CYTIP: variants seen among roughly 807,000 people sequenced by gnomAD.
CYTIP encodes cytohesin-interacting protein.
CYTIP carries 26 observed loss-of-function variants against 43.8 expected under a neutral mutation model. That is an observed-to-expected ratio of 0.59 (90% CI 0.44 to 0.82). The LOEUF (loss-of-function observed/expected upper bound fraction) is 0.82, where lower values mean the gene tolerates loss of function less well. CYTIP is among the 40% of genes least tolerant of loss of function. CYTIP has a pLI of 0.00. For synonymous variants in CYTIP, 162 were observed against 162.9 expected, an observed-to-expected ratio of 0.99 and a Z score of 0.04; for missense variants, 426 against 443.1, an observed-to-expected ratio of 0.96 and a Z score of 0.35.
At chr2:157,436,583 CTA>C (rs200484968) in intron 1 of CYTIP, among the ~76,000 whole-genome samples, 1 of 151,354 alleles carries the variant, frequency 6.6e-6, no homozygotes, top group Non-Finnish European at 1.5e-5. Flanking sequence ...ATAGAGAGAG[CTA>C]TATATATATG....
intron 1 of CYTIP, among the ~76,000 whole-genome samples, chr2:157,440,690 A>G (rs1293358725): frequency 6.6e-6 from 1 of 152,210 alleles, no homozygotes; most frequent in Admixed American, 6.5e-5. Flanking sequence ...TTGCCTATTT[A>G]GCAATAATGT....
At chr2:157,430,705 C>T in intron 4 of CYTIP, 53 bp from the exon 5 acceptor site, 1 of 1,547,750 alleles carries the variant, frequency 6.5e-7, no homozygotes. Context: ...AATAATCCCT[C>T]CTGACATGCA....
At chr2:157,428,695 C>T (rs1392344077) in intron 5 of CYTIP, among the ~76,000 whole-genome samples, 1 of 152,200 alleles carries the variant, frequency 6.6e-6, no homozygotes, top group South Asian at 2.1e-4. Flanking sequence ...CCAGCAGTTC[C>T]CCTCAGACTC....
chr2:157,422,356 T>C (rs1259065480), intron 6 of CYTIP, among the ~76,000 whole-genome samples: 4 of 152,144 alleles, frequency 2.6e-5, no homozygotes, highest in Non-Finnish European at 4.4e-5. Context: ...AGATTGTCTC[T>C]AAACAAAATG....
At chr2:157,439,788 G>A (rs764241894) in intron 1 of CYTIP, among the ~76,000 whole-genome samples, 18 of 152,238 alleles carry the variant, frequency 1.2e-4, no homozygotes, top group South Asian at 2.1e-4. Context: ...GATACCTAGG[G>A]TTGGGCTTAT....
At chr2:157,421,172 T>G (rs1685517329) in intron 6 of CYTIP, among the ~76,000 whole-genome samples, 1 of 152,224 alleles carries the variant, frequency 6.6e-6, no homozygotes, top group African/African-American at 2.4e-5. Flanking sequence ...AATTGTTTAT[T>G]TAGACATATC....
chr2:157,443,748 G>T, intron 1 of CYTIP, 99 bp downstream of exon 1: 1 of 1,277,480 alleles, frequency 7.8e-7, no homozygotes, highest in Non-Finnish European at 1.1e-6. Flanking sequence ...TAATTCCAAA[G>T]CCTCTAAAAT....
chr2:157,424,469 C>T (rs1240000785), intron 6 of CYTIP, among the ~76,000 whole-genome samples: 1 of 151,950 alleles, frequency 6.6e-6, no homozygotes, highest in Non-Finnish European at 1.5e-5. Context: ...GTAAGATCAT[C>T]TATCAATAAA....
chr2:157,423,508 G>A (rs1685556353), intron 6 of CYTIP, among the ~76,000 whole-genome samples: 1 of 129,974 alleles, frequency 7.7e-6, no homozygotes, highest in Non-Finnish European at 1.8e-5. Context: ...AACTAATAAA[G>A]TAATTGAAAC....
intron 6 of CYTIP, among the ~76,000 whole-genome samples, chr2:157,420,756 G>A (rs184663970): frequency 2.6e-5 from 4 of 151,836 alleles, no homozygotes; most frequent in East Asian, 1.9e-4. Flanking sequence ...AGGGACGTAG[G>A]GAGTATAAGG....
chr2:157,417,619 T>G (rs564967458), intron 7 of CYTIP, among the ~76,000 whole-genome samples: 61 of 152,038 alleles, frequency 4.0e-4, no homozygotes, highest in African/African-American at 1.4e-3. Flanking sequence ...AAAGAACTAT[T>G]ATGAATTTTT....
chr2:157,433,415 T>C (rs1465260302), intron 3 of CYTIP, among the ~76,000 whole-genome samples: 1 of 152,208 alleles, frequency 6.6e-6, no homozygotes, highest in African/African-American at 2.4e-5. Context: ...TCATAAAACA[T>C]GTTTTTCTTA....
intron 1 of CYTIP, 65 bp from the exon 2 acceptor site, chr2:157,434,812 A>ATCTCTCTCTC (rs113065609): frequency 2.0e-4 from 83 of 415,496 alleles, no homozygotes; most frequent in Non-Finnish European, 2.5e-4. Context: ...AATGTTCTAA[A>ATCTCTCTCTC]TCTCTCTCTC....
intron 6 of CYTIP, among the ~76,000 whole-genome samples, chr2:157,420,852 G>A (rs879491229): frequency 6.6e-5 from 10 of 152,094 alleles, no homozygotes; most frequent in Non-Finnish European, 8.8e-5. Flanking sequence ...TCCAGTTGAG[G>A]AGCATAGGGA....
At chr2:157,434,099 T>C in intron 3 of CYTIP, 2 of 498,076 alleles carry the variant, frequency 4.0e-6, no homozygotes, top group Admixed American at 7.7e-5. Flanking sequence ...GATACCAACC[T>C]AGCTGATCAG....
At chr2:157,437,368 T>G (rs1475868456) in intron 1 of CYTIP, among the ~76,000 whole-genome samples, 1 of 151,460 alleles carries the variant, frequency 6.6e-6, no homozygotes, top group Non-Finnish European at 1.5e-5. Context: ...AAAAAAAATT[T>G]AAAAATGGGC....
At chr2:157,423,467 A>T (rs1016269365) in intron 6 of CYTIP, among the ~76,000 whole-genome samples, 4 of 149,176 alleles carry the variant, frequency 2.7e-5, no homozygotes, top group Admixed American at 6.7e-5. Context: ...AACTGTCTTT[A>T]AAAAAAACCA....
chr2:157,441,939 G>A (rs574235128), intron 1 of CYTIP, among the ~76,000 whole-genome samples: 27 of 152,102 alleles, frequency 1.8e-4, no homozygotes, highest in East Asian at 3.9e-4. Flanking sequence ...AGTGGCCCTC[G>A]TGCCGGCTTT....
chr2:157,429,858 C>T (rs968180580), intron 5 of CYTIP, among the ~76,000 whole-genome samples: 1 of 151,706 alleles, frequency 6.6e-6, no homozygotes, highest in South Asian at 2.1e-4. Context: ...CCCGTCTCTA[C>T]TAAAAATACA....
Sources: allele counts gnomAD v4.1 joint callset (sites outside exome capture counted in the v4.1 genomes callset), GRCh38; gene constraint gnomAD v4.1.1; transcripts MANE v1.5; gene names NCBI Gene and HGNC (gene_info 2026-07-23, HGNC 2026-07-21).